CMSS1: variants seen among roughly 807,000 people sequenced by gnomAD.
CMSS1 encodes cms1 ribosomal small subunit homolog.
Under a neutral mutation model 43.5 loss-of-function variants are expected in CMSS1, and 33 were observed. The observed-to-expected ratio is 0.76, with a 90% CI of 0.57 to 1.01. CMSS1 has a LOEUF of 1.01. Among genes scored for constraint, CMSS1 ranks in the 50% least tolerant of loss-of-function variants. CMSS1 has a pLI of 0.00. For missense variants in CMSS1, 313 were observed against 326.4 expected (o/e 0.96, Z 0.32); for synonymous variants, 115 against 117.2 (o/e 0.98, Z 0.12).
intron 1 of CMSS1, among the ~76,000 whole-genome samples, chr3:99,973,093 A>T (rs1210984655): frequency 1.3e-5 from 2 of 152,346 alleles, no homozygotes; most frequent in East Asian, 1.9e-4. Flanking sequence ...GACAATTATT[A>T]AAAAAGATGA....
At chr3:100,097,685 G>C (rs530533873) in intron 1 of CMSS1, among the ~76,000 whole-genome samples, 1 of 152,092 alleles carries the variant, frequency 6.6e-6, no homozygotes, top group Non-Finnish European at 1.5e-5. Context: ...AAACTATTAG[G>C]TTATTTTCAG....
At chr3:99,938,074 T>C (rs201430604) in intron 1 of CMSS1, among the ~76,000 whole-genome samples, 2,286 of 85,230 alleles carry the variant, frequency 0.027, 45 homozygotes, top group African/African-American at 0.086. Flanking sequence ...TGTGTGTGTG[T>C]GCGCGCGCGC....
At chr3:99,925,838 TAGAC>T in intron 1 of CMSS1, 1 of 985,314 alleles carries the variant, frequency 1.0e-6, no homozygotes, top group East Asian at 1.1e-4. Flanking sequence ...CAGATGGAGT[TAGAC>T]AGCCAAGCTC....
intron 1 of CMSS1, among the ~76,000 whole-genome samples, chr3:100,030,089 C>A (rs2064997873): frequency 6.6e-6 from 1 of 152,112 alleles, no homozygotes; most frequent in South Asian, 2.1e-4. Context: ...CCTTGTTTTA[C>A]AGATAAGGAA....
chr3:100,089,997 G>A lies in CMSS1; in HGVS notation c.65-56976G>A, dbSNP rs1197267807. ...GTACACTCATCTTCCCTACTCCCCC[G>A]CAACTGCAAAGCCAGCTAGCTTTTC... On this transcript the variant is annotated intron_variant, in intron 1 of 9. Coordinates refer to ENST00000421999, the MANE Select transcript of CMSS1 (RefSeq NM_032359.4). 5.3e-5 allele frequency among the ~76,000 whole-genome samples: 8 copies of A among 152,282 alleles called. No individual in the cohort carries two copies. In the East Asian group the frequency reaches 1.3e-3, roughly 26 times the overall value.
At chr3:99,949,524 TTTATCAG>T (rs1312213158) in intron 1 of CMSS1, among the ~76,000 whole-genome samples, 2 of 152,172 alleles carry the variant, frequency 1.3e-5, no homozygotes, top group African/African-American at 4.8e-5. Flanking sequence ...CGCAGTACGT[TTTATCAG>T]TTGAAAGAAG....
intron 1 of CMSS1, among the ~76,000 whole-genome samples, chr3:100,124,073 A>C (rs777183655): frequency 2.6e-5 from 4 of 152,222 alleles, no homozygotes; most frequent in African/African-American, 4.8e-5. Context: ...AGTCTATGAC[A>C]GATACAGTTC....
intron 1 of CMSS1, among the ~76,000 whole-genome samples, chr3:100,018,094 C>G (rs570977123): frequency 6.6e-6 from 1 of 152,054 alleles, no homozygotes; most frequent in Non-Finnish European, 1.5e-5. Context: ...TTTGGGAGGC[C>G]GAGGCGGGCA....
intron 1 of CMSS1, among the ~76,000 whole-genome samples, chr3:99,823,291 C>A (rs777831573): frequency 6.6e-6 from 1 of 152,178 alleles, no homozygotes; most frequent in Non-Finnish European, 1.5e-5. Flanking sequence ...CAAAGCTTAA[C>A]ATATGTGGCT....
At chr3:99,845,956 G>A (rs867597370) in intron 1 of CMSS1, among the ~76,000 whole-genome samples, 2 of 152,132 alleles carry the variant, frequency 1.3e-5, no homozygotes, top group Non-Finnish European at 2.9e-5. Flanking sequence ...TTAAAATCTG[G>A]AACAAATGAT....
At chr3:99,883,633 C>T (rs1427158022) in intron 1 of CMSS1, among the ~76,000 whole-genome samples, 1 of 152,028 alleles carries the variant, frequency 6.6e-6, no homozygotes, top group African/African-American at 2.4e-5. Context: ...AACTGCACAC[C>T]CAAATGTTGT....
At chr3:99,830,558 C>T (rs774077842) in intron 1 of CMSS1, 82 of 456,538 alleles carry the variant, frequency 1.8e-4, no homozygotes, top group Non-Finnish European at 3.1e-4. Context: ...CTGTAGATTT[C>T]GGTTTAGGGA....
intron 3 of CMSS1, among the ~76,000 whole-genome samples, chr3:100,161,734 G>A (rs1424655201): frequency 6.6e-6 from 1 of 152,174 alleles, no homozygotes; most frequent in Non-Finnish European, 1.5e-5. Context: ...ATGTTGGAAA[G>A]TATTTCCTGT....
intron 1 of CMSS1, among the ~76,000 whole-genome samples, chr3:99,904,339 A>C (rs1706541024): frequency 6.6e-6 from 1 of 152,222 alleles, no homozygotes; most frequent in African/African-American, 2.4e-5. Flanking sequence ...ATTGCTATCC[A>C]ATCAAGTATT....
intron 1 of CMSS1, among the ~76,000 whole-genome samples, chr3:100,005,372 T>A (rs1709958891): frequency 6.6e-6 from 1 of 152,176 alleles, no homozygotes; most frequent in South Asian, 2.1e-4. Flanking sequence ...GGATGGGATC[T>A]CAGAGTGGGG....
intron 1 of CMSS1, among the ~76,000 whole-genome samples, chr3:99,826,579 C>T (rs1417534605): frequency 6.6e-6 from 1 of 152,104 alleles, no homozygotes; most frequent in Non-Finnish European, 1.5e-5. Context: ...GCCTGTGAAC[C>T]GCAGTTTGCA....
At chr3:100,115,451 C>A (rs1171789989) in intron 1 of CMSS1, among the ~76,000 whole-genome samples, 1 of 152,036 alleles carries the variant, frequency 6.6e-6, no homozygotes, top group Non-Finnish European at 1.5e-5. Flanking sequence ...TAATTTCAGA[C>A]TTATAGAAAA....
chr3:100,175,426 C>CT (rs1442362560), intron 8 of CMSS1, among the ~76,000 whole-genome samples: 1 of 152,150 alleles, frequency 6.6e-6, no homozygotes, highest in African/African-American at 2.4e-5. Context: ...TCCAGAGAGG[C>CT]TGTACCTATT....
At chr3:99,891,950 A>G (rs1456408536) in intron 1 of CMSS1, among the ~76,000 whole-genome samples, 2 of 152,224 alleles carry the variant, frequency 1.3e-5, no homozygotes, top group African/African-American at 2.4e-5. Flanking sequence ...TGATTCACTA[A>G]CACTTATTAG....
Sources: allele counts gnomAD v4.1 joint callset (sites outside exome capture counted in the v4.1 genomes callset), GRCh38; gene constraint gnomAD v4.1.1; transcripts MANE v1.5; gene names NCBI Gene and HGNC (gene_info 2026-07-23, HGNC 2026-07-21).